Variants in RARB observed in about 807,000 individuals in gnomAD.
RARB encodes HBV-activated protein.
A neutral mutation model predicts 51.9 loss-of-function variants in RARB; 17 were observed. The observed-to-expected ratio is 0.33, with a 90% confidence interval of 0.22 to 0.49. The LOEUF (loss-of-function observed/expected upper bound fraction) is 0.49, where lower values mean the gene tolerates loss of function less well. Among genes scored for constraint, RARB ranks in the 20% least tolerant of loss-of-function variants. RARB has a pLI of 0.99. For synonymous variants in RARB, 215 were observed against 195.4 expected (o/e 1.10, Z -0.84); for missense variants, 369 against 550.8 (o/e 0.67, Z 3.30).
At position 25,375,996 on chromosome 3, in the gene RARB, T is replaced by C. The variant is rs113958529; in HGVS notation, c.179-85197T>C. ...TAATGTTACATCTAACTCTTCAGGA[T>C]TAATGAGGAGTAAATGAGCTAATAC... On this transcript the variant is annotated intron_variant, in intron 5 of 11. Coordinates refer to the RARB transcript ENST00000383772. Among the ~76,000 whole-genome samples the C allele has an allele frequency of 5.1e-3, 771 of 152,296 alleles. 6 individuals carry two copies. The highest frequency in any genetic ancestry group is 0.018 in the African/African-American group (731 of 41,568).
chr3:25,354,471 C>T (rs1559369051), intron 5 of RARB, among the ~76,000 whole-genome samples: 1 of 151,990 alleles, frequency 6.6e-6, no homozygotes, highest in East Asian at 1.9e-4. Context: ...GTGTACGCTA[C>T]TCATTTATTT....
At chr3:25,446,799 T>C (rs1306497497) in intron 1 of RARB, among the ~76,000 whole-genome samples, 1 of 65,418 alleles carries the variant, frequency 1.5e-5, no homozygotes, top group African/African-American at 1.0e-4. Flanking sequence ...CCAGACTCCG[T>C]CTCAAAAAAA....
At chr3:24,867,234 G>A (rs920645614) in intron 2 of RARB, among the ~76,000 whole-genome samples, 1 of 152,068 alleles carries the variant, frequency 6.6e-6, no homozygotes, top group African/African-American at 2.4e-5. Context: ...TTACAAAGGT[G>A]GTTAAGTTTT....
intron 5 of RARB, among the ~76,000 whole-genome samples, chr3:25,329,066 C>T (rs1461513818): frequency 6.6e-6 from 1 of 152,212 alleles, no homozygotes; most frequent in Non-Finnish European, 1.5e-5. Flanking sequence ...TCAAGGAGGC[C>T]TGCCTGCCTC....
intron 5 of RARB, among the ~76,000 whole-genome samples, chr3:25,271,133 CA>C (rs1163625768): frequency 6.6e-6 from 1 of 152,164 alleles, no homozygotes; most frequent in Non-Finnish European, 1.5e-5. Flanking sequence ...TGAGGTTGGT[CA>C]GAGATATTAC....
Position 25,597,874 on chromosome 3 carries a change from T to C in RARB, c.*1258T>C, listed in dbSNP as rs1701945298. 2 of 152,920 alleles carry C rather than the reference T, an allele frequency of 1.3e-5. No individual in the cohort carries two copies. The highest frequency in any genetic ancestry group is 2.9e-5 in the Non-Finnish European group (2 of 68,254). The allele number at this position is 152,920 out of a possible 1,614,324, so 9.5% of individuals were successfully genotyped here. A position where few individuals can be genotyped will look rare whatever the true frequency, so the allele number is the denominator to read the frequency against. ...TTTAACAATGCTTTCTATGTTCATA[T>C]ACTGTTTACCTTTTTCCATGGAGTC... On this transcript the variant is annotated 3_prime_UTR_variant, in exon 8 of 8. Coordinates refer to ENST00000330688, the MANE Select transcript of RARB (RefSeq NM_000965.5).
intron 2 of RARB, among the ~76,000 whole-genome samples, chr3:24,981,319 G>A (rs1316637828): frequency 6.6e-6 from 1 of 152,176 alleles, no homozygotes; most frequent in Non-Finnish European, 1.5e-5. Context: ...CAGGCAGGGG[G>A]GCTTAAGTCT....
intron 5 of RARB, among the ~76,000 whole-genome samples, chr3:25,209,692 C>G (rs771574587): frequency 6.6e-6 from 1 of 152,138 alleles, no homozygotes; most frequent in Non-Finnish European, 1.5e-5. Flanking sequence ...TCCTCCATCC[C>G]TAGCTCTCCT....
chr3:25,454,685 GA>G lies in RARB; in HGVS notation c.158-6496del, dbSNP rs57789086. ...CCAGCCGTAAATTAGCTCTCACAAA[GA>G]AAAAAAAAAAAGTATACTGAGCTCT... On this transcript the variant is annotated intron_variant, in intron 1 of 7. Coordinates refer to ENST00000330688, the MANE Select transcript of RARB (RefSeq NM_000965.5). 1.6e-3 allele frequency among the ~76,000 whole-genome samples: 223 copies of G among 142,458 alleles called. 1 individual carries two copies. Among genetic ancestry groups the G allele is most frequent in the South Asian group, 8.9e-3 (40 of 4,508 alleles). 93.5% of individuals were successfully genotyped at this position (142,458 alleles called of 152,430 possible). A position where few individuals can be genotyped will look rare whatever the true frequency, so the allele number is the denominator to read the frequency against.
At chr3:24,835,113 G>T (rs1267433624) in intron 1 of RARB, among the ~76,000 whole-genome samples, 1 of 152,072 alleles carries the variant, frequency 6.6e-6, no homozygotes, top group Non-Finnish European at 1.5e-5. Context: ...TGCCCTGGCT[G>T]TTTCCACCAT....
chr3:25,458,893 A>G (rs1212801662), intron 1 of RARB, among the ~76,000 whole-genome samples: 3 of 152,108 alleles, frequency 2.0e-5, no homozygotes, highest in African/African-American at 7.2e-5. Context: ...ACTTAGAGGG[A>G]CTCTTAGTGC....
At chr3:24,962,661 C>T (rs1559413288) in intron 2 of RARB, among the ~76,000 whole-genome samples, 1 of 152,152 alleles carries the variant, frequency 6.6e-6, no homozygotes, top group Non-Finnish European at 1.5e-5. Flanking sequence ...TCATGAGCTG[C>T]ACATGGAAGG....
intron 2 of RARB, among the ~76,000 whole-genome samples, chr3:24,935,971 T>C (rs1695540423): frequency 6.6e-6 from 1 of 152,136 alleles, no homozygotes; most frequent in African/African-American, 2.4e-5. Context: ...GTTAGGAAAA[T>C]GTATAAATCG....
chr3:25,367,167 A>G (rs1383644521), intron 5 of RARB, among the ~76,000 whole-genome samples: 14 of 152,228 alleles, frequency 9.2e-5, no homozygotes, highest in Admixed American at 8.5e-4. Flanking sequence ...AAAGCAAAAG[A>G]CAGACATGCT....
At chr3:25,282,390 C>A (rs1447608526) in intron 5 of RARB, among the ~76,000 whole-genome samples, 1 of 152,182 alleles carries the variant, frequency 6.6e-6, no homozygotes, top group Non-Finnish European at 1.5e-5. Context: ...TTTCGGTAAG[C>A]CCTGCCTCTA....
intron 5 of RARB, among the ~76,000 whole-genome samples, chr3:25,229,424 G>A (rs992363456): frequency 6.6e-6 from 1 of 152,012 alleles, no homozygotes; most frequent in Non-Finnish European, 1.5e-5. Context: ...TTCTCAAATT[G>A]ACGGTAGGCA....
chr3:24,983,463 C>G (rs770687525), intron 2 of RARB, among the ~76,000 whole-genome samples: 1 of 152,028 alleles, frequency 6.6e-6, no homozygotes, highest in Non-Finnish European at 1.5e-5. Flanking sequence ...GTTTGCTGCA[C>G]CTATCAACCT....
At chr3:25,277,884 A>G (rs1703432052) in intron 5 of RARB, among the ~76,000 whole-genome samples, 1 of 152,196 alleles carries the variant, frequency 6.6e-6, no homozygotes, top group Non-Finnish European at 1.5e-5. Flanking sequence ...CTTTATAGTC[A>G]CTACTCTCCC....
intron 5 of RARB, among the ~76,000 whole-genome samples, chr3:25,196,155 T>C (rs908397286): frequency 6.6e-6 from 1 of 152,084 alleles, no homozygotes; most frequent in African/African-American, 2.4e-5. Context: ...TGTGCCATGT[T>C]GGTGTGCTGC....
Sources: gnomAD v4.1 joint callset for allele counts (sites outside exome capture counted in the v4.1 genomes callset) on GRCh38, gnomAD v4.1.1 for gene constraint, MANE v1.5 for transcripts, NCBI Gene and HGNC (gene_info 2026-07-23, HGNC 2026-07-21) for gene names.